AOX1: variants seen among roughly 807,000 people sequenced by gnomAD.
AOX1 encodes aldehyde oxidase.
Under a neutral mutation model 169.5 loss-of-function variants are expected in AOX1, and 153 were observed. That is an observed-to-expected ratio of 0.90 (90% CI 0.79 to 1.03). AOX1 has a LOEUF of 1.03. Ranked by LOEUF, AOX1 falls within the 50% of genes least tolerant of loss-of-function variation. AOX1 has a pLI of 0.00. For missense variants in AOX1, 1,656 were observed against 1,663.9 expected (o/e 1.00, Z 0.08); for synonymous variants, 562 against 581.9 (o/e 0.97, Z 0.49).
chr2:200,637,096 C>T (rs765980653), intron 22 of AOX1, 52 bp downstream of exon 22: 2 of 1,605,300 alleles, frequency 1.2e-6, no homozygotes, highest in Admixed American at 1.7e-5. Flanking sequence ...TGAAAGTTCT[C>T]ACTGTCAGAA....
At chr2:200,604,899 G>T (rs2034484602) in intron 9 of AOX1, 59 bp downstream of exon 9, 1 of 1,332,878 alleles carries the variant, frequency 7.5e-7, no homozygotes, top group Non-Finnish European at 1.1e-6. Flanking sequence ...TTGGGATGGG[G>T]CCGGGGTGGG....
intron 18 of AOX1, among the ~76,000 whole-genome samples, chr2:200,621,971 C>T (rs528819868): frequency 3.3e-5 from 5 of 152,258 alleles, no homozygotes; most frequent in Admixed American, 6.5e-5. Flanking sequence ...AGGCTGGTCT[C>T]GAACTCCTTA....
intron 2 of AOX1, 97 bp from the exon 3 acceptor site, chr2:200,595,175 C>T: frequency 2.7e-6 from 2 of 738,984 alleles, no homozygotes; most frequent in Non-Finnish European, 4.4e-6. Context: ...ACTTAACTAA[C>T]ATTTAAGAGT....
chr2:200,612,692 T>C lies in AOX1; in HGVS notation c.1347T>C (p.Phe449=). Residue 449 remains phenylalanine, a synonymous_variant, in exon 14 of 35, where the codon TTT becomes TTC. Transcript: ENST00000374700. ...AIVNSGMRVF[F]GEGDGIIREL... is the part of the protein sequence containing the mutation. ...TCAATTCAGGAATGAGAGTCTTTTT[T>C]GGAGAAGGGGATGGCATTATTAGAG... 1 of 1,614,114 alleles carries C rather than the reference T, an allele frequency of 6.2e-7. No homozygotes were observed. The highest frequency in any genetic ancestry group is 1.1e-5 in the South Asian group (1 of 91,086).
downstream of AOX1, among the ~76,000 whole-genome samples, chr2:200,681,094 G>A (rs538297910): frequency 6.6e-6 from 1 of 152,328 alleles, no homozygotes; most frequent in East Asian, 1.9e-4. Flanking sequence ...TAATCCCTAT[G>A]TCTGTGGTCT....
downstream of AOX1, among the ~76,000 whole-genome samples, chr2:200,672,558 T>C (rs2036044623): frequency 6.6e-6 from 1 of 152,242 alleles, no homozygotes; most frequent in Admixed American, 6.5e-5. Context: ...TGCCAGGCAC[T>C]GTACTAGGCA....
At chr2:200,642,496 T>C in intron 24 of AOX1, 114 bp from the exon 25 acceptor site, 1 of 728,040 alleles carries the variant, frequency 1.4e-6, no homozygotes, top group Non-Finnish European at 2.3e-6. Flanking sequence ...TATTTTAGCA[T>C]GTTAGATGAG....
chr2:200,633,750 G>A (rs896719146), intron 20 of AOX1, among the ~76,000 whole-genome samples: 1 of 152,060 alleles, frequency 6.6e-6, no homozygotes, highest in Admixed American at 6.6e-5. Context: ...TTGGTTCCTG[G>A]TATGAATGAT....
chr2:200,596,095 A>G (rs1344873635), intron 3 of AOX1, among the ~76,000 whole-genome samples: 2 of 152,214 alleles, frequency 1.3e-5, no homozygotes, highest in East Asian at 3.8e-4. Flanking sequence ...TCTTCTGGGA[A>G]TCCAATTATG....
chr2:200,610,744 A>AT (rs1306034367), intron 12 of AOX1, among the ~76,000 whole-genome samples: 1 of 152,178 alleles, frequency 6.6e-6, no homozygotes, highest in Non-Finnish European at 1.5e-5. Context: ...CTACTTGTAA[A>AT]GTTTTAAGTG....
At chr2:200,628,533 G>A (rs1476939283) in intron 20 of AOX1, among the ~76,000 whole-genome samples, 3 of 152,154 alleles carry the variant, frequency 2.0e-5, no homozygotes, top group Non-Finnish European at 2.9e-5. Flanking sequence ...TATTGGGTGG[G>A]TATGGGCAGT....
chr2:200,657,161 C>CAAAAAAAAAAAAAA (rs67071824), intron 27 of AOX1, among the ~76,000 whole-genome samples: 10 of 83,018 alleles, frequency 1.2e-4, no homozygotes, highest in African/African-American at 4.8e-4. Context: ...CCATCTCTAC[C>CAAAAAAAAAAAAAA]AAAAATATAT....
Position 200,606,420 on chromosome 2 carries a change from C to T in AOX1, c.907+792C>T, listed in dbSNP as rs139093824. ...TATAGTTTGAAGTCAGATAGTGTGA[C>T]GCCTCCAGCTTTGTTCTTTTTGCTT... On this transcript the variant is annotated intron_variant, in intron 10 of 34. Coordinates refer to ENST00000374700, the MANE Select transcript of AOX1 (RefSeq NM_001159.4). Among the ~76,000 whole-genome samples the T allele has an allele frequency of 6.5e-3, 982 of 152,136 alleles. 6 individuals are homozygous for T. Among genetic ancestry groups the T allele is most frequent in the Non-Finnish European group, 0.01 (705 of 67,946 alleles).
At chr2:200,664,159 C>T (rs2035883622) in intron 31 of AOX1, among the ~76,000 whole-genome samples, 1 of 152,210 alleles carries the variant, frequency 6.6e-6, no homozygotes, top group Non-Finnish European at 1.5e-5. Flanking sequence ...GAATTTCACT[C>T]TGTCACCCAG....
intron 16 of AOX1, among the ~76,000 whole-genome samples, chr2:200,616,456 A>G (rs1420722181): frequency 1.3e-5 from 2 of 152,254 alleles, no homozygotes; most frequent in African/African-American, 4.8e-5. Context: ...AGGAAAAGAC[A>G]CAGCCCCTAG....
chr2:200,657,165 A>AATATATATATATATATATATATATATAT (rs1553578034), intron 27 of AOX1, among the ~76,000 whole-genome samples: 4 of 88,406 alleles, frequency 4.5e-5, no homozygotes, highest in Non-Finnish European at 6.1e-5. Flanking sequence ...CTCTACCAAA[A>AATATATATATATATATATATATATATAT]ATATATATAT....
intron 4 of AOX1, 27 bp downstream of exon 4, chr2:200,597,532 C>T (rs2034311085): frequency 6.6e-7 from 1 of 1,525,156 alleles, no homozygotes; most frequent in South Asian, 1.2e-5. Flanking sequence ...TCCTTATAGG[C>T]TTTCTGTGCT....
intron 25 of AOX1, among the ~76,000 whole-genome samples, chr2:200,645,034 A>C (rs751076865): frequency 3.3e-5 from 5 of 152,044 alleles, no homozygotes; most frequent in Non-Finnish European, 7.4e-5. Context: ...GATGCCCTTT[A>C]TTTCTTTCTG....
intron 27 of AOX1, among the ~76,000 whole-genome samples, chr2:200,657,782 T>C (rs904017970): frequency 6.6e-6 from 1 of 152,216 alleles, no homozygotes; most frequent in African/African-American, 2.4e-5. Context: ...AGTAACATTA[T>C]AGATTATAAA....
Sources: allele counts gnomAD v4.1 joint callset (sites outside exome capture counted in the v4.1 genomes callset), GRCh38; gene constraint gnomAD v4.1.1; transcripts MANE v1.5; gene names NCBI Gene and HGNC (gene_info 2026-07-23, HGNC 2026-07-21).